Variants in DIAPH3 observed in about 807,000 individuals in gnomAD.
DIAPH3 encodes diaphanous related formin 3, also known as protein diaphanous homolog 3.
Under a neutral mutation model 144.3 loss-of-function variants are expected in DIAPH3, and 117 were observed. The ratio of observed to expected loss-of-function variants is 0.81; its 90% CI spans 0.70 to 0.95. The LOEUF (loss-of-function observed/expected upper bound fraction) is 0.95. Ranked by LOEUF, DIAPH3 falls within the 40% of genes least tolerant of loss-of-function variation. The pLI, the probability that DIAPH3 is intolerant of heterozygous loss-of-function variation, is 0.00. For missense variants in DIAPH3, 1,421 were observed against 1,412.7 expected (o/e 1.01, Z -0.09); for synonymous variants, 519 against 488.9 (o/e 1.06, Z -0.81).
At chr13:59,808,263 T>G (rs1414784449) in intron 25 of DIAPH3, among the ~76,000 whole-genome samples, 1 of 151,870 alleles carries the variant, frequency 6.6e-6, no homozygotes, top group African/African-American at 2.4e-5. Context: ...GAATACATAC[T>G]GAGCTAACTT....
chr13:60,163,856 C>T lies in DIAPH3; in HGVS notation c.-90G>A, dbSNP rs987719424. On this transcript the variant is annotated 5_prime_UTR_variant, in exon 1 of 28. Transcript: ENST00000400324. ...GAGGGATCGACAACAGGTTTTACTCCCGGGGTCCGCCACCCAAACAGTCAG... is the reference window on the plus strand; with the variant it reads ...GAGGGATCGACAACAGGTTTTACTCTCGGGGTCCGCCACCCAAACAGTCAG... 2.7e-6 allele frequency: 4 copies of T among 1,476,344 alleles called. No individual in the cohort carries two copies. In the African/African-American group the frequency reaches 4.2e-5, roughly 16 times the overall value. The allele number at this position is 1,476,344 out of a possible 1,614,324, so 91.5% of individuals were successfully genotyped here. A position where few individuals can be genotyped will look rare whatever the true frequency, so the allele number is the denominator to read the frequency against.
At chr13:59,844,490 C>T (rs1402270787) in intron 22 of DIAPH3, among the ~76,000 whole-genome samples, 1 of 135,412 alleles carries the variant, frequency 7.4e-6, no homozygotes, top group African/African-American at 2.7e-5. Context: ...GGTGACGGAG[C>T]GAGACTCCAT....
intron 24 of DIAPH3, 45 bp downstream of exon 24, chr13:59,833,062 A>T: frequency 7.2e-7 from 1 of 1,394,962 alleles, no homozygotes; most frequent in Non-Finnish European, 1.0e-6. Context: ...TAGATAAGAT[A>T]GTATAAATAA....
At chr13:59,680,558 C>CCTTA (rs1276003311) in intron 27 of DIAPH3, among the ~76,000 whole-genome samples, 2 of 150,448 alleles carry the variant, frequency 1.3e-5, no homozygotes, top group Non-Finnish European at 2.9e-5. Flanking sequence ...AGACTTCTTT[C>CCTTA]CTTAGTCTTT....
chr13:60,074,452 C>T (rs1276094718), intron 4 of DIAPH3, among the ~76,000 whole-genome samples: 2 of 152,148 alleles, frequency 1.3e-5, no homozygotes, highest in African/African-American at 4.8e-5. Context: ...GCTGCCCTTC[C>T]TATTCCTCTA....
intron 2 of DIAPH3, among the ~76,000 whole-genome samples, chr13:60,113,052 A>AG (rs2058611666): frequency 1.3e-5 from 2 of 152,084 alleles, no homozygotes; most frequent in African/African-American, 4.8e-5. Context: ...TGATTCCATG[A>AG]GTTTTTTTTT....
chr13:59,975,142 T>C (rs947842008), intron 14 of DIAPH3, among the ~76,000 whole-genome samples: 1 of 151,974 alleles, frequency 6.6e-6, no homozygotes, highest in African/African-American at 2.4e-5. Flanking sequence ...AACTTTGCCA[T>C]TATTATGACT....
chr13:60,030,865 G>T (rs1049628108), intron 5 of DIAPH3, among the ~76,000 whole-genome samples: 1 of 152,164 alleles, frequency 6.6e-6, no homozygotes, highest in Non-Finnish European at 1.5e-5. Context: ...GAACAAGACA[G>T]ACATAGACCA....
Position 59,810,777 on chromosome 13 carries a change from A to C in DIAPH3, c.3163+11T>G. On this transcript the variant is annotated intron_variant, in intron 25 of 27. Transcript: ENST00000400324. ...ATACATAGAATAAATAACAAATTTG[A>C]TAGTACTCACCAGTCTTCATTTCTA... 6.2e-7 allele frequency: 1 copy of C among 1,612,314 alleles called. No homozygotes were observed. The highest frequency in any genetic ancestry group is 1.3e-5 in the African/African-American group (1 of 74,998).
rs1207198427 is a variant in DIAPH3 at position 59,879,233 on chromosome 13, C to G, written c.2603G>C (p.Cys868Ser). Residue 868 changes from cysteine (C) to serine (S), a missense_variant, in exon 21 of 28, where the codon TGT becomes TCT. By Grantham distance (112) the Cys-to-Ser change is moderately radical (BLOSUM62 -1). Transcript: ENST00000400324. ...TTTTTAAAAAAACAAACTCACTTTA[C>G]AGAGAGAGCTAAGGTTAAATCCGAA... ...QTFGFNLSSL[C>S]KLKDTKSADQ... The G allele has an allele frequency of 6.2e-7, 1 of 1,613,586 alleles. No homozygotes were observed. The highest frequency in any genetic ancestry group is 1.3e-5 in the African/African-American group (1 of 74,896).
At chr13:59,931,374 T>C (rs1245221053) in intron 17 of DIAPH3, among the ~76,000 whole-genome samples, 1 of 152,154 alleles carries the variant, frequency 6.6e-6, no homozygotes, top group African/African-American at 2.4e-5. Context: ...GTGCAGCAAA[T>C]GAATCCTGTT....
At chr13:59,924,241 G>GC (rs1195705046) in intron 18 of DIAPH3, among the ~76,000 whole-genome samples, 2 of 152,110 alleles carry the variant, frequency 1.3e-5, no homozygotes, top group Non-Finnish European at 2.9e-5. Context: ...TGAGTATTTA[G>GC]CTCCTGTAAC....
intron 22 of DIAPH3, among the ~76,000 whole-genome samples, chr13:59,858,602 A>C (rs2139908984): frequency 6.6e-6 from 1 of 152,310 alleles, no homozygotes; most frequent in Admixed American, 6.5e-5. Flanking sequence ...ACCAACAAAA[A>C]AAAGTAAGTT....
chr13:59,889,105 T>G (rs1187047078), intron 20 of DIAPH3, among the ~76,000 whole-genome samples: 1 of 152,038 alleles, frequency 6.6e-6, no homozygotes. Context: ...CTTTATATTT[T>G]TCCTAGTTGG....
At chr13:60,137,276 C>T (rs1212280752) in intron 1 of DIAPH3, among the ~76,000 whole-genome samples, 1 of 152,138 alleles carries the variant, frequency 6.6e-6, no homozygotes, top group Non-Finnish European at 1.5e-5. Context: ...CACAGAACAT[C>T]GGTCTCTATA....
chr13:59,915,113 A>T (rs1226099877), intron 19 of DIAPH3, among the ~76,000 whole-genome samples: 1 of 152,164 alleles, frequency 6.6e-6, no homozygotes, highest in Non-Finnish European at 1.5e-5. Context: ...ACAAGTATTA[A>T]GTAGAAAAAT....
chr13:59,975,205 T>C (rs1000718791), intron 14 of DIAPH3, among the ~76,000 whole-genome samples: 1 of 150,636 alleles, frequency 6.6e-6, no homozygotes, highest in Non-Finnish European at 1.5e-5. Context: ...TTAAGAAAAA[T>C]GAAAAAAAAA....
chr13:60,078,828 A>G (rs1346062823), intron 4 of DIAPH3, among the ~76,000 whole-genome samples: 3 of 152,004 alleles, frequency 2.0e-5, no homozygotes, highest in East Asian at 1.9e-4. Flanking sequence ...TTAAAAATCA[A>G]TGGGGTGAGA....
chr13:60,012,856 CAGGT>C (rs1242021325), intron 7 of DIAPH3: 1 of 289,092 alleles, frequency 3.5e-6, no homozygotes, highest in Non-Finnish European at 5.2e-6. Context: ...AAGTCCATCA[CAGGT>C]AACGTTCTCT....
Sources: allele counts gnomAD v4.1 joint callset (sites outside exome capture counted in the v4.1 genomes callset), GRCh38; gene constraint gnomAD v4.1.1; transcripts MANE v1.5; gene names NCBI Gene and HGNC (gene_info 2026-07-23, HGNC 2026-07-21).